Variants in DRC4 observed in about 807,000 individuals in gnomAD.
DRC4 encodes GAS-11.
the DRC4 span, chr16:90,031,303 A>T: frequency 1.9e-6 from 3 of 1,612,212 alleles, no homozygotes; most frequent in Admixed American, 5.0e-5. Context: ...GGCCAGGTGG[A>T]GGAGCATGTC....
the DRC4 span, among the ~76,000 whole-genome samples, chr16:90,031,941 G>C: frequency 6.6e-5 from 10 of 152,118 alleles, no homozygotes. Flanking sequence ...GTATGTGCAG[G>C]TGAGGTGTGG....
chr16:90,036,877 G>A, the DRC4 span: 578 of 584,324 alleles, frequency 9.9e-4, 4 homozygotes, highest in South Asian at 0.01. Context: ...AGTGAGGGCC[G>A]TGATGTGGCT....
chr16:90,021,856 CA>C, the DRC4 span, among the ~76,000 whole-genome samples: 106 of 28,956 alleles, frequency 3.7e-3, 1 homozygote, highest in South Asian at 8.1e-3. Context: ...ACCCTGTCTC[CA>C]AAAAAAAAAA....
the DRC4 span, chr16:90,044,921 GTA>G: frequency 9.7e-5 from 20 of 206,966 alleles, no homozygotes; most frequent in Admixed American, 2.2e-4. Context: ...CTATGCATAA[GTA>G]TATTTGTTTA....
At chr16:90,022,822 C>T in the DRC4 span, 3 of 1,154,062 alleles carry the variant, frequency 2.6e-6, no homozygotes, top group South Asian at 2.3e-5. Context: ...GAATGGGAGG[C>T]CTGGAGCGCT....
the DRC4 span, chr16:90,042,782 T>C: frequency 1.8e-6 from 1 of 542,808 alleles, no homozygotes; most frequent in Non-Finnish European, 3.3e-6. Context: ...CCTGGACGCT[T>C]CCCTGGTCAG....
the DRC4 span, chr16:90,037,270 G>A: frequency 6.2e-7 from 1 of 1,613,596 alleles, no homozygotes; most frequent in Non-Finnish European, 8.5e-7. Context: ...AGGACCACCT[G>A]GAGAGGGAGA....
At chr16:90,019,832 G>A in the DRC4 span, 2 of 689,244 alleles carry the variant, frequency 2.9e-6, no homozygotes, top group African/African-American at 3.5e-5. This position sits in a 1 kb window ranked among gnomAD's most constrained non-coding sequence, Gnocchi z 6.1. Flanking sequence ...GGGCACAGGA[G>A]GGGCCTGACT....
At chr16:90,024,300 T>G in the DRC4 span, among the ~76,000 whole-genome samples, 1 of 152,092 alleles carries the variant, frequency 6.6e-6, no homozygotes, top group Non-Finnish European at 1.5e-5. Flanking sequence ...TTCAGGAGGA[T>G]ATTTATTAAT....
the DRC4 span, among the ~76,000 whole-genome samples, chr16:90,041,330 T>A: frequency 6.6e-6 from 1 of 151,610 alleles, no homozygotes; most frequent in South Asian, 2.1e-4. Flanking sequence ...CACTGTTTGC[T>A]GCTGGCCAGG....
At chr16:90,021,697 T>C in the DRC4 span, among the ~76,000 whole-genome samples, 1 of 151,332 alleles carries the variant, frequency 6.6e-6, no homozygotes, top group Non-Finnish European at 1.5e-5. Context: ...CAAGACCCCG[T>C]CTCTATTAAA....
the DRC4 span, chr16:90,037,062 T>C: frequency 3.5e-4 from 223 of 641,090 alleles, 1 homozygote; most frequent in Non-Finnish European, 5.5e-4. Context: ...TCAGAATAAG[T>C]TGAAGCTGCA....
At chr16:90,039,239 C>G in the DRC4 span, among the ~76,000 whole-genome samples, 1 of 152,124 alleles carries the variant, frequency 6.6e-6, no homozygotes, top group Non-Finnish European at 1.5e-5. Context: ...TGGGTTGGAG[C>G]CTTGTTTTCT....
chr16:90,036,581 C>T, the DRC4 span: 2 of 1,573,922 alleles, frequency 1.3e-6, no homozygotes, highest in Non-Finnish European at 8.6e-7. Flanking sequence ...CATCAACTCC[C>T]TCAAGGTGCT....
chr16:90,042,240 C>T, the DRC4 span: 1 of 585,534 alleles, frequency 1.7e-6, no homozygotes, highest in Non-Finnish European at 3.2e-6. Flanking sequence ...CTGGCCTGGA[C>T]TGTTGCTGGA....
chr16:90,041,747 C>G, the DRC4 span, among the ~76,000 whole-genome samples: 6 of 151,992 alleles, frequency 3.9e-5, no homozygotes, highest in Admixed American at 1.3e-4. Flanking sequence ...TGCGGTGAGC[C>G]TAGATCGCGC....
chr16:90,020,039 C>T, the DRC4 span: 38 of 691,722 alleles, frequency 5.5e-5, 1 homozygote, highest in Middle Eastern at 2.3e-4. Context: ...GTCCCTATCG[C>T]CCAGATTCAG....
the DRC4 span, chr16:90,027,619 C>A: frequency 6.2e-7 from 1 of 1,613,130 alleles, no homozygotes. Context: ...TCTCTTACCC[C>A]ATTATTTCCA....
At chr16:90,020,213 A>C in the DRC4 span, 1 of 477,714 alleles carries the variant, frequency 2.1e-6, no homozygotes, top group Non-Finnish European at 3.7e-6. Context: ...GCATTGACTC[A>C]TGCCTGTAAT....
Sources: allele counts gnomAD v4.1 joint callset (sites outside exome capture counted in the v4.1 genomes callset), GRCh38; gene constraint gnomAD v4.1.1; non-coding constraint Gnocchi (gnomAD v3.1); transcripts MANE v1.5; gene names NCBI Gene and HGNC (gene_info 2026-07-23, HGNC 2026-07-21).